Variants in PTPRG observed in about 807,000 individuals in gnomAD.
The protein encoded by PTPRG is protein tyrosine phosphatase receptor type G.
A neutral mutation model predicts 165.3 loss-of-function variants in PTPRG; 102 were observed. The ratio of observed to expected loss-of-function variants is 0.62; its 90% CI spans 0.53 to 0.73. PTPRG has a LOEUF of 0.73. PTPRG is among the 30% of genes least tolerant of loss of function. PTPRG has a pLI of 0.00. For synonymous variants in PTPRG, 675 were observed against 669.5 expected (o/e 1.01, Z -0.13); for missense variants, 1,866 against 1,861.4 (o/e 1.00, Z -0.05).
intron 1 of PTPRG, among the ~76,000 whole-genome samples, chr3:61,633,454 G>A (rs914974781): frequency 1.3e-5 from 2 of 152,188 alleles, no homozygotes; most frequent in African/African-American, 4.8e-5. Flanking sequence ...GGGACAAAAT[G>A]ATGTGAAACA....
At chr3:62,270,833 T>G (rs1036552053) in intron 20 of PTPRG, among the ~76,000 whole-genome samples, 1 of 152,196 alleles carries the variant, frequency 6.6e-6, no homozygotes, top group African/African-American at 2.4e-5. Context: ...AAAGGAAAAC[T>G]ACTCTGAAAA....
intron 2 of PTPRG, among the ~76,000 whole-genome samples, chr3:61,909,977 C>T (rs1331871586): frequency 1.3e-5 from 2 of 152,114 alleles, no homozygotes; most frequent in Non-Finnish European, 2.9e-5. Context: ...TGAAGGGGCT[C>T]CTTGTGGTTT....
intron 1 of PTPRG, among the ~76,000 whole-genome samples, chr3:61,630,399 T>C (rs1701741717): frequency 1.3e-5 from 2 of 152,176 alleles, no homozygotes; most frequent in Non-Finnish European, 2.9e-5. Flanking sequence ...AACATTTAAG[T>C]TTTCTTAGCG....
chr3:61,567,665 C>CAAAA (rs35299199), intron 1 of PTPRG, among the ~76,000 whole-genome samples: 31,102 of 110,766 alleles, frequency 0.28, 4,969 homozygotes, highest in East Asian at 0.57. Context: ...GACCCTGTCT[C>CAAAA]AAAAAAAAAA....
intron 2 of PTPRG, among the ~76,000 whole-genome samples, chr3:61,920,360 T>C (rs553068752): frequency 1.3e-5 from 2 of 152,348 alleles, no homozygotes; most frequent in Non-Finnish European, 2.9e-5. Context: ...CGGATAGTTG[T>C]AGTTCTCCAT....
At chr3:61,929,522 T>G (rs2039307764) in intron 2 of PTPRG, among the ~76,000 whole-genome samples, 1 of 152,206 alleles carries the variant, frequency 6.6e-6, no homozygotes, top group South Asian at 2.1e-4. Context: ...GGGCTTCCTT[T>G]GAGCAAAGTT....
intron 1 of PTPRG, among the ~76,000 whole-genome samples, chr3:61,716,470 A>G (rs1044919827): frequency 8.5e-5 from 13 of 152,306 alleles, no homozygotes; most frequent in African/African-American, 3.1e-4. Flanking sequence ...TTAAGTCAGG[A>G]ACACATGGAT....
intron 2 of PTPRG, among the ~76,000 whole-genome samples, chr3:61,903,481 C>T (rs974917684): frequency 5.9e-5 from 9 of 152,206 alleles, no homozygotes; most frequent in Non-Finnish European, 1.2e-4. Context: ...TCAGGTGATT[C>T]TCGTGTCTCA....
At chr3:62,099,346 ATG>A (rs1702212866) in intron 5 of PTPRG, among the ~76,000 whole-genome samples, 2 of 152,194 alleles carry the variant, frequency 1.3e-5, no homozygotes, top group South Asian at 4.1e-4. Flanking sequence ...GTCTTTCAAA[ATG>A]GTATTTTAGG....
Position 62,271,497 on chromosome 3 carries a change from G to A in PTPRG, c.3124G>A (p.Val1042Met), listed in dbSNP as rs770354333. The A allele has an allele frequency of 4.3e-6, 7 of 1,613,850 alleles. No individual in the cohort carries two copies. The highest frequency in any genetic ancestry group is 5.9e-6 in the Non-Finnish European group (7 of 1,179,878). Residue 1042 changes from valine to methionine, a missense_variant, in exon 21 of 30, where the codon GTG becomes ATG. Val to Met is a conservative substitution (Grantham distance 21). This residue lies in a region of PTPRG where 1,452 missense variants were observed against 1,463.0 expected (regional missense o/e 0.99). Transcript: ENST00000474889. The surrounding 1 kb of genome is among the most constrained non-coding windows in gnomAD (Gnocchi z 4.1). ...PEYALPVLTF[V>M]RRSSAARMPE... ...GTATGCCCTTCCAGTACTGACTTTC[G>A]TGAGGAGATCCTCAGCAGCTCGGAT...
intron 2 of PTPRG, among the ~76,000 whole-genome samples, chr3:61,908,785 T>A (rs1575774091): frequency 6.6e-6 from 1 of 152,166 alleles, no homozygotes; most frequent in South Asian, 2.1e-4. Flanking sequence ...AGAAAGAACA[T>A]CAATTATGTT....
At chr3:61,816,614 C>G (rs2035770626) in intron 2 of PTPRG, among the ~76,000 whole-genome samples, 1 of 152,148 alleles carries the variant, frequency 6.6e-6, no homozygotes, top group African/African-American at 2.4e-5. Flanking sequence ...TTTACTTGGC[C>G]TAGAATTCCT....
chr3:62,090,832 C>T (rs1427979447), intron 5 of PTPRG, among the ~76,000 whole-genome samples: 1 of 152,128 alleles, frequency 6.6e-6, no homozygotes, highest in Non-Finnish European at 1.5e-5. Flanking sequence ...ATTCTGAAAT[C>T]CATGTCTGAG....
At chr3:61,637,645 A>T (rs1701949356) in intron 1 of PTPRG, among the ~76,000 whole-genome samples, 2 of 152,278 alleles carry the variant, frequency 1.3e-5, no homozygotes, top group South Asian at 4.1e-4. Context: ...ACCTGCGGGA[A>T]CTGTAGACTT....
chr3:61,948,711 A>G (rs1311620850), intron 2 of PTPRG, among the ~76,000 whole-genome samples: 1 of 152,160 alleles, frequency 6.6e-6, no homozygotes, highest in Non-Finnish European at 1.5e-5. Context: ...GACTTTGGGT[A>G]CCTGGAGTAT....
chr3:61,876,654 A>G (rs779048802), intron 2 of PTPRG, among the ~76,000 whole-genome samples: 92 of 152,152 alleles, frequency 6.0e-4, no homozygotes, highest in Non-Finnish European at 1.2e-3. Context: ...CACATCTGTA[A>G]TCCCAGCACT....
chr3:61,761,706 A>T (rs654134), intron 2 of PTPRG, among the ~76,000 whole-genome samples: 92,519 of 152,068 alleles, frequency 0.61, 28,371 homozygotes, highest in Admixed American at 0.69. Context: ...TTCCTTGGAC[A>T]CGGGAAGCCA....
chr3:61,563,200 A>G (rs910188613), intron 1 of PTPRG, among the ~76,000 whole-genome samples: 1 of 151,712 alleles, frequency 6.6e-6, no homozygotes, highest in Non-Finnish European at 1.5e-5. Flanking sequence ...GCCGGGGCTG[A>G]TTTTTTTCCT....
intron 12 of PTPRG, among the ~76,000 whole-genome samples, chr3:62,206,655 G>A (rs750788429): frequency 2.0e-4 from 30 of 152,160 alleles, no homozygotes; most frequent in African/African-American, 5.5e-4. Flanking sequence ...CCAGATGGCC[G>A]AGTGCAGTGG....
Sources: gnomAD v4.1 joint callset for allele counts (sites outside exome capture counted in the v4.1 genomes callset) on GRCh38, gnomAD v4.1.1 for gene constraint, gnomAD v4.1.1 regional missense constraint, Gnocchi (gnomAD v3.1) non-coding constraint, MANE v1.5 for transcripts, NCBI Gene and HGNC (gene_info 2026-07-23, HGNC 2026-07-21) for gene names.